Variants in MACROD2 observed in about 807,000 individuals in gnomAD.
MACROD2 encodes the protein mono-ADP ribosylhydrolase 2.
In MACROD2, 36 loss-of-function variants were observed where a neutral mutation model predicts 70.4. That is an observed-to-expected ratio of 0.51 (90% CI 0.39 to 0.68). The LOEUF is 0.68. Ranked by LOEUF, MACROD2 falls within the 30% of genes least tolerant of loss-of-function variation. The probability of loss-of-function intolerance (pLI) is 0.00; values close to 1 mark genes in which losing one functional copy is unlikely to be tolerated. For synonymous variants in MACROD2, 172 were observed against 178.8 expected (o/e 0.96, Z 0.30); for missense variants, 496 against 538.4 (o/e 0.92, Z 0.78).
intron 5 of MACROD2, among the ~76,000 whole-genome samples, chr20:14,783,197 C>G (rs2072323831): frequency 6.6e-6 from 1 of 152,150 alleles, no homozygotes; most frequent in Non-Finnish European, 1.5e-5. Flanking sequence ...AATCCTCTTT[C>G]TAAATCCTAA....
intron 5 of MACROD2, among the ~76,000 whole-genome samples, chr20:15,043,335 G>T (rs1402224072): frequency 6.6e-6 from 1 of 152,258 alleles, no homozygotes; most frequent in Admixed American, 6.5e-5. Context: ...CAGCCAGCTG[G>T]CTGGGGCTGT....
At chr20:14,585,565 G>C (rs932796113) in intron 4 of MACROD2, among the ~76,000 whole-genome samples, 2 of 151,726 alleles carry the variant, frequency 1.3e-5, no homozygotes, top group Non-Finnish European at 1.5e-5. Context: ...TATGTATTTT[G>C]GCTTTACTTC....
intron 4 of MACROD2, among the ~76,000 whole-genome samples, chr20:14,503,320 G>A (rs1223975420): frequency 6.6e-6 from 1 of 152,194 alleles, no homozygotes; most frequent in Non-Finnish European, 1.5e-5. Context: ...ACCTGACCCT[G>A]AGTTTAAATG....
intron 2 of MACROD2, among the ~76,000 whole-genome samples, chr20:14,034,961 A>AT (rs1249434540): frequency 1.5e-4 from 23 of 151,976 alleles, no homozygotes; most frequent in African/African-American, 5.3e-4. Flanking sequence ...ATGTTTTATG[A>AT]TTTTTTTCTT....
At chr20:15,227,239 A>G (rs2076914914) in intron 5 of MACROD2, among the ~76,000 whole-genome samples, 1 of 152,192 alleles carries the variant, frequency 6.6e-6, no homozygotes, top group Non-Finnish European at 1.5e-5. Flanking sequence ...CATAAATTTC[A>G]TTTAAGTTTT....
intron 8 of MACROD2, among the ~76,000 whole-genome samples, chr20:15,703,526 T>G (rs2146901151): frequency 6.6e-6 from 1 of 152,326 alleles, no homozygotes; most frequent in African/African-American, 2.4e-5. Context: ...CAAATAAACT[T>G]TATTGATTAT....
chr20:15,798,323 C>G (rs991825869), intron 8 of MACROD2, among the ~76,000 whole-genome samples: 6 of 152,148 alleles, frequency 3.9e-5, no homozygotes, highest in Non-Finnish European at 8.8e-5. Flanking sequence ...CTCCTTCATT[C>G]ACATGTCTGG....
At chr20:15,898,013 G>A (rs1353512706) in intron 10 of MACROD2, among the ~76,000 whole-genome samples, 1 of 152,114 alleles carries the variant, frequency 6.6e-6, no homozygotes, top group Non-Finnish European at 1.5e-5. Context: ...GTACATATTT[G>A]GCTTAGAGTT....
At chr20:15,441,770 C>T (rs947556805) in intron 7 of MACROD2, among the ~76,000 whole-genome samples, 6 of 152,214 alleles carry the variant, frequency 3.9e-5, no homozygotes, top group African/African-American at 1.4e-4. Context: ...AATTCCCACC[C>T]ACCCCTTCCT....
intron 4 of MACROD2, among the ~76,000 whole-genome samples, chr20:14,670,643 G>T (rs2070784292): frequency 6.6e-6 from 1 of 152,152 alleles, no homozygotes; most frequent in Admixed American, 6.5e-5. Context: ...ATGGCATCAG[G>T]CTTCAAGTTA....
intron 4 of MACROD2, among the ~76,000 whole-genome samples, chr20:14,526,675 C>T (rs953481792): frequency 6.6e-6 from 1 of 152,180 alleles, no homozygotes; most frequent in Admixed American, 6.5e-5. Context: ...AGAAAAGGTT[C>T]CCTTGTCCCC....
intron 4 of MACROD2, among the ~76,000 whole-genome samples, chr20:14,519,161 C>T (rs982600781): frequency 6.6e-6 from 1 of 152,104 alleles, no homozygotes; most frequent in Non-Finnish European, 1.5e-5. Flanking sequence ...GAATCTTTTA[C>T]CTCCCAACAC....
chr20:14,127,078 G>T (rs2054661015), intron 3 of MACROD2, among the ~76,000 whole-genome samples: 1 of 152,178 alleles, frequency 6.6e-6, no homozygotes, highest in Admixed American at 6.5e-5. Context: ...GAGGCCTCTT[G>T]CTCCAGTTGG....
intron 5 of MACROD2, among the ~76,000 whole-genome samples, chr20:15,165,310 G>A (rs529672085): frequency 2.0e-5 from 3 of 152,210 alleles, no homozygotes; most frequent in East Asian, 1.9e-4. Context: ...ACAAAAATTA[G>A]CCAGGTGTTG....
intron 6 of MACROD2, among the ~76,000 whole-genome samples, chr20:15,368,817 G>A (rs997640768): frequency 1.6e-4 from 25 of 152,036 alleles, no homozygotes; most frequent in Admixed American, 1.4e-3. Context: ...AGGCTCAAGC[G>A]GCAGTTGCTA....
At chr20:15,880,814 C>G (rs2064744083) in intron 9 of MACROD2, among the ~76,000 whole-genome samples, 1 of 151,996 alleles carries the variant, frequency 6.6e-6, no homozygotes, top group Non-Finnish European at 1.5e-5. Context: ...ACTGAATTGT[C>G]AAGGAACAAG....
intron 3 of MACROD2, among the ~76,000 whole-genome samples, chr20:14,170,408 T>C (rs542919688): frequency 1.3e-5 from 2 of 152,308 alleles, no homozygotes; most frequent in East Asian, 3.9e-4. Flanking sequence ...AGAGTGGGCA[T>C]CCTTGTCTTG....
At chr20:14,324,160 A>G (rs574939647) in intron 3 of MACROD2, 7 of 152,782 alleles carry the variant, frequency 4.6e-5, no homozygotes, top group Non-Finnish European at 1.5e-5. Context: ...TTCAGCAATA[A>G]GACCATAATT....
intron 8 of MACROD2, among the ~76,000 whole-genome samples, chr20:15,765,877 A>G (rs925740279): frequency 6.6e-6 from 1 of 151,402 alleles, no homozygotes; most frequent in Non-Finnish European, 1.5e-5. Context: ...TATACTTTCA[A>G]GAAAAGCAGA....
Sources: gnomAD v4.1 joint callset for allele counts (sites outside exome capture counted in the v4.1 genomes callset) on GRCh38, gnomAD v4.1.1 for gene constraint, MANE v1.5 for transcripts, NCBI Gene and HGNC (gene_info 2026-07-23, HGNC 2026-07-21) for gene names.